The following SLC12A7 variants were observed in gnomAD, a reference collection of about 807,000 sequenced individuals.
SLC12A7 encodes K-Cl cotransporter 4.
Under a neutral mutation model 120.6 loss-of-function variants are expected in SLC12A7, and 100 were observed. The observed-to-expected ratio is 0.83, with a 90% confidence interval of 0.71 to 0.98. SLC12A7 has a LOEUF of 0.98. SLC12A7 is among the 50% of genes least tolerant of loss of function. The pLI, the probability that SLC12A7 is intolerant of heterozygous loss-of-function variation, is 0.00. For missense variants in SLC12A7, 1,373 were observed against 1,548.1 expected, an observed-to-expected ratio of 0.89 and a Z score of 1.90; for synonymous variants, 760 against 678.0, an observed-to-expected ratio of 1.12 and a Z score of -1.88.
intron 22 of SLC12A7, chr5:1,056,569 C>T (rs1735633911): frequency 8.1e-6 from 8 of 985,360 alleles, no homozygotes; most frequent in African/African-American, 1.7e-5. Flanking sequence ...CTGGTTGTAG[C>T]GAGTGGACTT....
upstream of SLC12A7, among the ~76,000 whole-genome samples, chr5:1,116,955 GC>G (rs1561123514): frequency 6.6e-6 from 1 of 152,196 alleles, no homozygotes; most frequent in East Asian, 1.9e-4. Flanking sequence ...TGGAAGCAGA[GC>G]CCAGGACACG....
In SLC12A7 at chr5:1,083,980, C is replaced by A. The variant is rs781441614; in HGVS notation, c.918-24G>T. ...CCCTGGGCGGGACAGGGAGGCACGG[C>A]ACGTGTGCTGCCACCGAAGTGGCTT... On this transcript the variant is annotated intron_variant, in intron 7 of 23. Transcript: ENST00000264930. The A allele has an allele frequency of 4.4e-6, 7 of 1,591,986 alleles. No homozygotes were observed. In the East Asian group the frequency reaches 1.3e-4, roughly 30 times the overall value.
At chr5:1,056,687 G>A (rs1192786234) in intron 22 of SLC12A7, 3 of 605,176 alleles carry the variant, frequency 5.0e-6, no homozygotes, top group Middle Eastern at 8.1e-4. Flanking sequence ...GGAGGACGCC[G>A]CCTCATCCCA....
chr5:1,078,633 C>T (rs1212538756), intron 11 of SLC12A7, 68 bp downstream of exon 11: 37 of 1,326,720 alleles, frequency 2.8e-5, no homozygotes, highest in East Asian at 1.2e-4. Context: ...ATTTCAAAGC[C>T]GAATTCATCC....
intron 18 of SLC12A7, among the ~76,000 whole-genome samples, chr5:1,064,814 G>A (rs1305679799): frequency 7.0e-6 from 1 of 141,870 alleles, no homozygotes; most frequent in Non-Finnish European, 1.5e-5. Flanking sequence ...CGAGGGGACA[G>A]TGAGGGAACG....
In SLC12A7 at chr5:1,081,686, G is replaced by C. The variant is rs781366882; in HGVS notation, c.1188C>G (p.Pro396=). The C allele has an allele frequency of 6.2e-7, 1 of 1,613,008 alleles. No homozygotes were observed. Among genetic ancestry groups the C allele is most frequent in the Non-Finnish European group, 8.5e-7 (1 of 1,179,992 alleles). The change falls in exon 9 of 24, where the codon CCC becomes CCG. Residue 396 remains proline, a synonymous_variant. Coordinates refer to ENST00000264930, the MANE Select transcript of SLC12A7 (RefSeq NM_006598.3). The part of the protein sequence containing the change: ...AGAFVEKKGV[P]SVPVAEESRA... Reference sequence around the variant, plus strand: ...GGCTCTCCTCTGCCACGGGCACCGAGGGCACACCTTTCTTCTCCACAAACG... The same window carrying C: ...GGCTCTCCTCTGCCACGGGCACCGACGGCACACCTTTCTTCTCCACAAACG...
intron 1 of SLC12A7, among the ~76,000 whole-genome samples, chr5:1,107,554 A>C (rs1011480111): frequency 6.6e-6 from 1 of 152,174 alleles, no homozygotes; most frequent in African/African-American, 2.4e-5. Context: ...GGTCTCCGAC[A>C]TTCACCGATC....
At chr5:1,113,910 G>A (rs540285068), upstream of SLC12A7, among the ~76,000 whole-genome samples, 3 of 152,322 alleles carry the variant, frequency 2.0e-5, no homozygotes, top group Non-Finnish European at 4.4e-5. Context: ...AGCTCAGGGT[G>A]GGCACGAGGC....
chr5:1,096,774 AGGGG>A (rs1561098145), intron 1 of SLC12A7, among the ~76,000 whole-genome samples: 2 of 6,786 alleles, frequency 2.9e-4, no homozygotes, highest in Non-Finnish European at 6.3e-4. Context: ...GAAAGGAGGG[AGGGG>A]GGGAGGGAGG....
intron 23 of SLC12A7, 34 bp from the exon 24 acceptor site, chr5:1,052,485 T>G (rs199916183): frequency 6.5e-7 from 1 of 1,536,576 alleles, no homozygotes; most frequent in African/African-American, 1.4e-5. Flanking sequence ...ACAGCTGATC[T>G]TACCTGAGCG....
chr5:1,062,198 C>A (rs1310154100), intron 20 of SLC12A7, among the ~76,000 whole-genome samples: 2 of 152,176 alleles, frequency 1.3e-5, no homozygotes, highest in Admixed American at 1.3e-4. Flanking sequence ...GCCATGGGCT[C>A]ACTTTGCCTG....
chr5:1,056,543 G>A lies in SLC12A7; in HGVS notation c.3026+928C>T, dbSNP rs58239661. On this transcript the variant is annotated intron_variant, in intron 22 of 23. Coordinates refer to ENST00000264930, the MANE Select transcript of SLC12A7 (RefSeq NM_006598.3). ...ACACACACAGGCATGCAGGGCAACC[G>A]GGCCCGGAAGGCGACCTGGTTGTAG... is the stretch of plus-strand genomic sequence containing the variant. The A allele has an allele frequency of 3.3e-3, 3,263 of 978,158 alleles. 74 individuals carry two copies. In the African/African-American group the frequency reaches 0.051, roughly 15 times the overall value. The allele number at this position is 978,158 out of a possible 1,614,324, so 60.6% of individuals were successfully genotyped here. A position where few individuals can be genotyped will look rare whatever the true frequency, so the allele number is the denominator to read the frequency against.
the SLC12A7 span, among the ~76,000 whole-genome samples, chr5:1,148,495 G>A: frequency 7.2e-5 from 11 of 152,128 alleles, no homozygotes; most frequent in South Asian, 4.1e-4. Flanking sequence ...GTGAGCCACC[G>A]CACCTGGCCT....
chr5:1,067,203 T>C (rs1026236024), intron 17 of SLC12A7, among the ~76,000 whole-genome samples: 1 of 152,108 alleles, frequency 6.6e-6, no homozygotes, highest in Admixed American at 6.5e-5. Context: ...GCAGATATGC[T>C]CCTCTTTGAG....
At position 1,073,667 on chromosome 5, in the gene SLC12A7, A is replaced by G. The variant is rs1366478949; in HGVS notation, c.2207T>C (p.Leu736Pro). Reference sequence around the variant, plus strand: ...CCGCTGAGCCTCCATGTGCTTGTCCAGGTACGTCCCCTCCAGCACCGAGCC... The same window carrying G: ...CCGCTGAGCCTCCATGTGCTTGTCCGGGTACGTCCCCTCCAGCACCGAGCC... ...IVGSVLEGTY[L>P]DKHMEAQRAE... The change falls in exon 17 of 24, where the codon CTG becomes CCG. Residue 736 changes from leucine (L) to proline (P), a missense_variant. Transcript: ENST00000264930. 3.7e-6 allele frequency: 6 copies of G among 1,603,332 alleles called. No individual in the cohort carries two copies.
intron 1 of SLC12A7, among the ~76,000 whole-genome samples, chr5:1,104,199 G>A (rs1742284810): frequency 6.6e-6 from 1 of 152,204 alleles, no homozygotes; most frequent in Non-Finnish European, 1.5e-5. Context: ...TGAAAGCCCA[G>A]GCCCGACCCG....
chr5:1,079,333 G>A, intron 10 of SLC12A7, 65 bp downstream of exon 10: 2 of 1,274,726 alleles, frequency 1.6e-6, no homozygotes, highest in South Asian at 1.2e-5. Flanking sequence ...GCTGAGCCGG[G>A]GAGGGCATGG....
chr5:1,129,054 G>T, the SLC12A7 span, among the ~76,000 whole-genome samples: 1 of 152,120 alleles, frequency 6.6e-6, no homozygotes, highest in Non-Finnish European at 1.5e-5. Context: ...CCCCTGCAAG[G>T]CTTGGGAGCA....
At chr5:1,073,837 C>A (rs777608833) in intron 16 of SLC12A7, 36 bp from the exon 17 acceptor site, 4 of 1,378,952 alleles carry the variant, frequency 2.9e-6, no homozygotes, top group South Asian at 1.9e-5. Context: ...ACCACGGCAA[C>A]GCTTACCAGG....
Sources: allele counts gnomAD v4.1 joint callset (sites outside exome capture counted in the v4.1 genomes callset), GRCh38; gene constraint gnomAD v4.1.1; transcripts MANE v1.5; gene names NCBI Gene and HGNC (gene_info 2026-07-23, HGNC 2026-07-21).